The following GLUD1 variants were observed in gnomAD, a reference collection of about 807,000 sequenced individuals.
The protein encoded by GLUD1 is glutamate dehydrogenase 1, mitochondrial.
Under a neutral mutation model 56.0 loss-of-function variants are expected in GLUD1, and 22 were observed. The ratio of observed to expected loss-of-function variants is 0.39; its 90% CI spans 0.28 to 0.56. The LOEUF (loss-of-function observed/expected upper bound fraction) is 0.56. Among genes scored for constraint, GLUD1 ranks in the 20% least tolerant of loss-of-function variants. The pLI is 0.58. For missense variants in GLUD1, 451 were observed against 732.0 expected (o/e 0.62, Z 4.43); for synonymous variants, 223 against 269.9 (o/e 0.83, Z 1.70).
chr10:87,060,704 G>A lies in GLUD1; in HGVS notation c.1181C>T (p.Pro394Leu), dbSNP rs777564388. ...TGTTGTCACCTTGGCTTTGACTCTG[G>A]GTGCGTTGGATTTGGTCAACTGCTT... The part of the protein sequence containing the change: ...SEKQLTKSNA[P>L]RVKAKIIAEG... The change falls in exon 8 of 13, where the codon CCC becomes CTC. Residue 394 changes from proline (P) to leucine (L), a missense_variant. Physicochemically the swap from Pro to Leu is moderately conservative, Grantham distance 98. Coordinates refer to ENST00000277865, the MANE Select transcript of GLUD1 (RefSeq NM_005271.5). 1.2e-6 allele frequency: 2 copies of A among 1,613,990 alleles called. No homozygotes were observed. Among genetic ancestry groups the A allele is most frequent in the South Asian group, 2.2e-5 (2 of 91,072 alleles).
At position 87,062,848 on chromosome 10, in the gene GLUD1, G is replaced by A. The variant is rs766309575; in HGVS notation, c.742-13C>T. The A allele has an allele frequency of 6.2e-7, 1 of 1,611,066 alleles. No homozygotes were observed. Among genetic ancestry groups the A allele is most frequent in the Non-Finnish European group, 8.5e-7 (1 of 1,177,322 alleles). On this transcript the variant is annotated splice_polypyrimidine_tract_variant and intron_variant, in intron 5 of 12. Coordinates refer to ENST00000277865, the MANE Select transcript of GLUD1 (RefSeq NM_005271.5). ...GTGCATTAATATCCTGTAAGAGGGG[G>A]TAATTGAAAGAATGAAATGTCAAGT...
At chr10:87,074,207 C>T (rs1219416466) in intron 4 of GLUD1, among the ~76,000 whole-genome samples, 1 of 152,208 alleles carries the variant, frequency 6.6e-6, no homozygotes, top group Non-Finnish European at 1.5e-5. Flanking sequence ...GCTCCTATAA[C>T]AAATAGTAGG....
Position 87,051,567 on chromosome 10 carries a change from T to C in GLUD1, c.*184A>G. On this transcript the variant is annotated 3_prime_UTR_variant, in exon 13 of 13. Transcript: ENST00000277865. ...GATTTCTACTTTCACACTCAGCTTG[T>C]ACATGATCCGCTAACCTTAATTTCT... The C allele has an allele frequency of 5.4e-6, 4 of 746,152 alleles. No individual in the cohort carries two copies. The South Asian group carries it at 6.1e-5, about 11-fold the overall frequency. The allele number at this position is 746,152 out of a possible 1,614,324, so 46.2% of individuals were successfully genotyped here. A position where few individuals can be genotyped will look rare whatever the true frequency, so the allele number is the denominator to read the frequency against.
intron 11 of GLUD1, 119 bp from the exon 12 acceptor site, chr10:87,053,523 G>A: frequency 2.8e-6 from 2 of 726,118 alleles, no homozygotes. Context: ...TTGTCTTTTA[G>A]CTAAGATATG....
intron 1 of GLUD1, among the ~76,000 whole-genome samples, chr10:87,077,971 A>G (rs1262367611): frequency 6.6e-6 from 1 of 152,148 alleles, no homozygotes; most frequent in Non-Finnish European, 1.5e-5. Context: ...AATATACAAT[A>G]TCTCATGGAC....
Position 87,092,695 on chromosome 10 carries a change from C to T in GLUD1, c.445+1630G>A, listed in dbSNP as rs1326675677. ...AAAAGGATTTCAGAGACCAAATCAT[C>T]CTGCAGAAAACCACATACACTGATT... On this transcript the variant is annotated intron_variant, in intron 1 of 12. Coordinates refer to ENST00000277865, the MANE Select transcript of GLUD1 (RefSeq NM_005271.5). The T allele has an allele frequency of 7.8e-6, 5 of 637,770 alleles. No homozygotes were observed. In the East Asian group the frequency reaches 6.9e-4, roughly 88 times the overall value. 39.5% of individuals were successfully genotyped at this position (637,770 alleles called of 1,614,324 possible).
chr10:87,080,283 C>G (rs1283323317), intron 1 of GLUD1, among the ~76,000 whole-genome samples: 1 of 151,886 alleles, frequency 6.6e-6, no homozygotes, highest in Non-Finnish European at 1.5e-5. Flanking sequence ...GATCTCGGCT[C>G]GCTACAACCT....
At chr10:87,061,941 A>AC (rs111947666) in intron 6 of GLUD1, among the ~76,000 whole-genome samples, 4,960 of 152,162 alleles carry the variant, frequency 0.033, 275 homozygotes, top group African/African-American at 0.11. Flanking sequence ...GTACCACCAC[A>AC]CCCTGCTAAT....
intron 4 of GLUD1, among the ~76,000 whole-genome samples, chr10:87,071,541 TA>T (rs1846238962): frequency 6.6e-6 from 1 of 152,152 alleles, no homozygotes; most frequent in African/African-American, 2.4e-5. Context: ...TAATCTTTTT[TA>T]AAAAAGCAAC....
chr10:87,067,893 T>C (rs1846119489), intron 5 of GLUD1, 170 bp downstream of exon 5: 6 of 625,154 alleles, frequency 9.6e-6, no homozygotes, highest in South Asian at 1.7e-5. Context: ...TCAATCTGTG[T>C]TCATTACGAT....
rs116277080 is a variant in GLUD1, at chr10:87,063,529, C to T, written c.742-694G>A. ...ACTAAATCAAGGTACATACACATCCCATTCATGAGTGTCTTAAAATCTACT... is the reference window on the plus strand; with the variant it reads ...ACTAAATCAAGGTACATACACATCCTATTCATGAGTGTCTTAAAATCTACT... On this transcript the variant is annotated intron_variant, in intron 5 of 12. Transcript: ENST00000277865. Among the ~76,000 whole-genome samples the T allele has an allele frequency of 7.7e-3, 1,166 of 152,264 alleles. 17 individuals carry two copies. The highest frequency in any genetic ancestry group is 0.027 in the African/African-American group (1,123 of 41,552).
chr10:87,066,091 C>T (rs559915389), intron 5 of GLUD1, among the ~76,000 whole-genome samples: 5 of 152,296 alleles, frequency 3.3e-5, no homozygotes, highest in African/African-American at 1.2e-4. Flanking sequence ...TCAGCATTGT[C>T]TATCTCTTGC....
chr10:87,083,722 T>C, intron 1 of GLUD1, among the ~76,000 whole-genome samples: 1 of 152,190 alleles, frequency 6.6e-6, no homozygotes, highest in Non-Finnish European at 1.5e-5. Context: ...TGGTGGCTCA[T>C]GCCTGTAGTC....
chr10:87,060,851 A>G (rs778884483), intron 7 of GLUD1, 26 bp from the exon 8 acceptor site: 3 of 1,614,128 alleles, frequency 1.9e-6, no homozygotes, highest in Non-Finnish European at 2.5e-6. Flanking sequence ...AATCACAATT[A>G]ATAGCTGCAC....
rs550609501 is a variant in GLUD1 at position 87,057,786 on chromosome 10, C to CA, written c.1403-5dup. On this transcript the variant is annotated splice_polypyrimidine_tract_variant and splice_region_variant and intron_variant, in intron 10 of 12. Coordinates refer to ENST00000277865, the MANE Select transcript of GLUD1 (RefSeq NM_005271.5). ...TCTAAACTCTCTTGAACAGACACTA[C>CA]AAAAAAATAACAAGAGATCAAGATA... is the stretch of plus-strand genomic sequence containing the variant. 6.7e-4 allele frequency: 833 copies of CA among 1,240,444 alleles called. 5 individuals are homozygous for CA. In the African/African-American group the frequency reaches 0.012, roughly 18 times the overall value. The allele number at this position is 1,240,444 out of a possible 1,614,324, so 76.8% of individuals were successfully genotyped here. A position where few individuals can be genotyped will look rare whatever the true frequency, so the allele number is the denominator to read the frequency against.
intron 11 of GLUD1, among the ~76,000 whole-genome samples, chr10:87,055,108 G>A (rs1317902385): frequency 2.6e-5 from 4 of 152,206 alleles, no homozygotes; most frequent in South Asian, 4.1e-4. Flanking sequence ...AGCTCTGAGC[G>A]CCTACTTGAG....
chr10:87,050,842 C>T lies in GLUD1; in HGVS notation c.*909G>A, dbSNP rs1845613302. On this transcript the variant is annotated 3_prime_UTR_variant, in exon 13 of 13. Transcript: ENST00000277865. The stretch of plus-strand genomic sequence containing the variant: ...GAGCCCAAGTGGTTTTTTTCTGGGA[C>T]ACTCTACTTGAATTATTGTTTAATT... 1 of 152,194 alleles carries T rather than the reference C, an allele frequency of 6.6e-6. No homozygotes were observed. The allele number at this position is 152,194 out of a possible 1,614,324, so 9.4% of individuals were successfully genotyped here. A position where few individuals can be genotyped will look rare whatever the true frequency, so the allele number is the denominator to read the frequency against.
intron 11 of GLUD1, among the ~76,000 whole-genome samples, chr10:87,057,211 T>C (rs1009279494): frequency 3.3e-5 from 5 of 152,164 alleles, no homozygotes; most frequent in African/African-American, 4.8e-5. Context: ...ATGGTGTCGA[T>C]GACTTGACTT....
At chr10:87,090,926 C>G (rs1371228088) in intron 1 of GLUD1, among the ~76,000 whole-genome samples, 1 of 152,060 alleles carries the variant, frequency 6.6e-6, no homozygotes, top group African/African-American at 2.4e-5. Flanking sequence ...TATAGTCTTC[C>G]CTTAAGCGCT....
Sources: allele counts gnomAD v4.1 joint callset (sites outside exome capture counted in the v4.1 genomes callset), GRCh38; gene constraint gnomAD v4.1.1; transcripts MANE v1.5; gene names NCBI Gene and HGNC (gene_info 2026-07-23, HGNC 2026-07-21).